Variants in SLX4 observed in about 807,000 individuals in gnomAD.
SLX4 encodes SLX4 structure-specific endonuclease subunit.
In SLX4, 112 loss-of-function variants were observed where a neutral mutation model predicts 146.2. The observed-to-expected ratio is 0.77, with a 90% confidence interval of 0.66 to 0.90. The LOEUF is 0.90. SLX4 is among the 40% of genes least tolerant of loss of function. The pLI, the probability that SLX4 is intolerant of heterozygous loss-of-function variation, is 0.00. For missense variants in SLX4, 2,563 were observed against 2,392.7 expected (o/e 1.07, Z -1.49); for synonymous variants, 1,061 against 997.7 (o/e 1.06, Z -1.20).
In SLX4 at chr16:3,582,195, C is replaced by CTG; in HGVS notation, c.*146_*147insCA. 3.0e-6 allele frequency: 2 copies of CTG among 668,138 alleles called. No homozygotes were observed. The highest frequency in any genetic ancestry group is 5.2e-6 in the Non-Finnish European group (2 of 387,944). 41.4% of individuals were successfully genotyped at this position (668,138 alleles called of 1,614,324 possible). A position where few individuals can be genotyped will look rare whatever the true frequency, so the allele number is the denominator to read the frequency against. ...AGGAAGCCCTGGATTGGGCTGTGGT[C>CTG]ATCATCACAGCGCAGAGCTGATGTG... is the stretch of plus-strand genomic sequence containing the variant. On this transcript the variant is annotated 3_prime_UTR_variant, in exon 15 of 15. Transcript: ENST00000294008.
Position 3,589,084 on chromosome 16 carries a change from C to G in SLX4, c.4554G>C (p.Glu1518Asp), listed in dbSNP as rs996201333. ...SALWDVWDGE[E>D]QRPPETPPPA... ...GAGGAGGGGTCTCTGGAGGCCTCTGCTCTTCCCCGTCCCAAACGTCCCACA... is the reference window on the plus strand; with the variant it reads ...GAGGAGGGGTCTCTGGAGGCCTCTGGTCTTCCCCGTCCCAAACGTCCCACA... The change falls in exon 12 of 15, where the codon GAG becomes GAC. Residue 1518 changes from glutamate (E) to aspartate (D), a missense_variant. Glu to Asp is a conservative substitution (Grantham distance 45). Transcript: ENST00000294008. This position sits in a 1 kb window ranked among gnomAD's most constrained non-coding sequence, Gnocchi z 6.2. 6.2e-7 allele frequency: 1 copy of G among 1,614,022 alleles called. No individual in the cohort carries two copies. Among genetic ancestry groups the G allele is most frequent in the African/African-American group, 1.3e-5 (1 of 74,930 alleles).
At chr16:3,605,158 C>T (rs1321961239) in intron 3 of SLX4, among the ~76,000 whole-genome samples, 1 of 151,380 alleles carries the variant, frequency 6.6e-6, no homozygotes, top group African/African-American at 2.4e-5. Context: ...GGTGCAATCT[C>T]GGCTCACTGC....
chr16:3,603,721 C>T (rs188078620), intron 3 of SLX4, among the ~76,000 whole-genome samples: 1 of 152,200 alleles, frequency 6.6e-6, no homozygotes, highest in African/African-American at 2.4e-5. Context: ...ACAGGAGCAC[C>T]TGGCATTATT....
At chr16:3,583,907 T>A (rs368853125) in intron 13 of SLX4, among the ~76,000 whole-genome samples, 1 of 151,686 alleles carries the variant, frequency 6.6e-6, no homozygotes, top group East Asian at 2.0e-4. Context: ...GAGGATGAGG[T>A]AGGATCGCTT....
intron 3 of SLX4, among the ~76,000 whole-genome samples, chr16:3,605,915 C>A (rs1266615552): frequency 1.4e-5 from 2 of 140,332 alleles, no homozygotes; most frequent in South Asian, 2.3e-4. Context: ...CCACTGCACT[C>A]CAGCCTGGGT....
At chr16:3,607,247 G>A (rs940893544) in intron 2 of SLX4, among the ~76,000 whole-genome samples, 2 of 152,092 alleles carry the variant, frequency 1.3e-5, no homozygotes, top group South Asian at 2.1e-4. Flanking sequence ...GATTTCATCC[G>A]ACTGGCAAAG....
intron 10 of SLX4, among the ~76,000 whole-genome samples, chr16:3,593,958 G>A (rs892914940): frequency 2.0e-5 from 3 of 152,040 alleles, no homozygotes; most frequent in Admixed American, 6.6e-5. Flanking sequence ...TGGAAGCTCC[G>A]CCTCCCAGGT....
chr16:3,610,409 C>T (rs1172304933), intron 1 of SLX4, among the ~76,000 whole-genome samples: 1 of 152,186 alleles, frequency 6.6e-6, no homozygotes, highest in Non-Finnish European at 1.5e-5. Flanking sequence ...AGGTTATCAT[C>T]ATATGAAACA....
chr16:3,595,792 G>A, intron 8 of SLX4, 99 bp from the exon 9 acceptor site: 5 of 1,359,628 alleles, frequency 3.7e-6, no homozygotes, highest in South Asian at 3.6e-5. Flanking sequence ...CCCCTGCGGT[G>A]CCTCGGAAGG....
chr16:3,585,033 G>C (rs1349170500), intron 12 of SLX4, among the ~76,000 whole-genome samples, 162 bp from the exon 13 acceptor site: 1 of 152,170 alleles, frequency 6.6e-6, no homozygotes, highest in East Asian at 1.9e-4. Context: ...GTCTGGAGCA[G>C]GGGCTTCCCA....
chr16:3,600,695 G>A, intron 5 of SLX4: 1 of 370,488 alleles, frequency 2.7e-6, no homozygotes, highest in Non-Finnish European at 5.1e-6. Context: ...CTACCTTCTG[G>A]GTTCAAGTGA....
At chr16:3,588,967 G>A in intron 12 of SLX4, 35 bp downstream of exon 12, 2 of 1,613,230 alleles carry the variant, frequency 1.2e-6, no homozygotes, top group African/African-American at 1.3e-5. Flanking sequence ...TAGTAACAAA[G>A]ACAGTCCCCT....
rs748686174 is a variant in SLX4 at position 3,584,827 on chromosome 16, T to A, written c.4681A>T (p.Thr1561Ser). The A allele has an allele frequency of 6.2e-7, 1 of 1,614,128 alleles. No individual in the cohort carries two copies. Among genetic ancestry groups the A allele is most frequent in the Non-Finnish European group, 8.5e-7 (1 of 1,179,994 alleles). The change falls in exon 13 of 15, where the codon ACG (threonine) becomes TCG (serine). Residue 1561 changes from threonine (T) to serine (S), a missense_variant. Physicochemically the swap from Thr to Ser is moderately conservative, Grantham distance 58 (BLOSUM62 1). Transcript: ENST00000294008. The stretch of plus-strand genomic sequence containing the variant: ...ATAATGGAATACTGTGGCATCGGCG[T>A]TATGGGCACTTTGGGGGGCAAGTTC... ...KKNLPPKVPI[T>S]PMPQYSIMET...
chr16:3,600,860 T>C (rs891955359), intron 5 of SLX4, 119 bp downstream of exon 5: 65 of 1,089,010 alleles, frequency 6.0e-5, no homozygotes, highest in Middle Eastern at 5.8e-4. Flanking sequence ...CCTCCCAAAG[T>C]GCTGCGATTA....
At chr16:3,585,204 A>G (rs2040493832) in intron 12 of SLX4, among the ~76,000 whole-genome samples, 1 of 152,226 alleles carries the variant, frequency 6.6e-6, no homozygotes. Flanking sequence ...ACTTGAGACA[A>G]TGGGCCACAC....
At position 3,593,869 on chromosome 16, in the gene SLX4, T is replaced by TTTTTG. The variant is rs550181222; in HGVS notation, c.2160+579_2160+583dup. Among the ~76,000 whole-genome samples, 381 of 152,178 alleles carry TTTTTG rather than the reference T, an allele frequency of 2.5e-3. 4 individuals are homozygous for TTTTTG. Among genetic ancestry groups the TTTTTG allele is most frequent in the African/African-American group, 8.2e-3 (342 of 41,512 alleles). On this transcript the variant is annotated intron_variant, in intron 10 of 14. Transcript: ENST00000294008. ...CAATTCTGGGAAACAATGGATTTTC[T>TTTTTG]TTTTGTTTTGTTTTGTTTTTGAGAC...
At chr16:3,604,139 C>A (rs548700765) in intron 3 of SLX4, among the ~76,000 whole-genome samples, 5 of 148,322 alleles carry the variant, frequency 3.4e-5, no homozygotes, top group Non-Finnish European at 7.4e-5. Flanking sequence ...GGCCGAGGCA[C>A]GAGAATAGCT....
rs892074878 is a variant in SLX4, at chr16:3,606,240, G to C, written c.760+234C>G. On this transcript the variant is annotated intron_variant, in intron 3 of 14. Transcript: ENST00000294008. ...CACTCCAGCCTGGGTGACAGAGCAA[G>C]GCTCTGTCTCAGAAAAAAAAACAAA... 7.2e-5 allele frequency among the ~76,000 whole-genome samples: 11 copies of C among 152,074 alleles called. 1 individual carries two copies. The highest frequency in any genetic ancestry group is 1.5e-5 in the Non-Finnish European group (1 of 68,008).
chr16:3,608,728 A>G lies in SLX4; in HGVS notation c.237T>C (p.Ala79=), dbSNP rs375620914. The G allele has an allele frequency of 3.0e-5, 49 of 1,614,106 alleles. No individual in the cohort carries two copies. The Middle Eastern group carries it at 4.9e-4, about 16-fold the overall frequency. ...TTCTTATCTGAGTGCCGTTTGAGGC[A>G]GCCTTTTGTGTCTTCCTTTCTCCTG... ...EVSGERKTQK[A]ASNGTQIRSK... The change falls in exon 2 of 15, where the codon GCT becomes GCC. Residue 79 remains alanine, a synonymous_variant. Coordinates refer to ENST00000294008, the MANE Select transcript of SLX4 (RefSeq NM_032444.4).
Sources: allele counts gnomAD v4.1 joint callset (sites outside exome capture counted in the v4.1 genomes callset), GRCh38; gene constraint gnomAD v4.1.1; non-coding constraint Gnocchi (gnomAD v3.1); transcripts MANE v1.5; gene names NCBI Gene and HGNC (gene_info 2026-07-23, HGNC 2026-07-21).